Variants in PPP1R36 observed in about 807,000 individuals in gnomAD.
The protein encoded by PPP1R36 is chromosome 14 open reading frame 50.
A neutral mutation model predicts 53.4 loss-of-function variants in PPP1R36; 47 were observed. That is an observed-to-expected ratio of 0.88 (90% confidence interval 0.70 to 1.12). The LOEUF is 1.12. Among genes scored for constraint, PPP1R36 ranks in the 50% most tolerant of loss-of-function variants. PPP1R36 has a pLI of 0.00. For synonymous variants in PPP1R36, 153 were observed against 170.5 expected, an observed-to-expected ratio of 0.90 and a Z score of 0.80; for missense variants, 456 against 513.9, an observed-to-expected ratio of 0.89 and a Z score of 1.09.
chr14:64,550,084 C>T lies in PPP1R36; in HGVS notation c.69+18C>T. The T allele has an allele frequency of 6.4e-7, 1 of 1,551,928 alleles. No individual in the cohort carries two copies. Among genetic ancestry groups the T allele is most frequent in the Non-Finnish European group, 8.7e-7 (1 of 1,147,152 alleles). ...TGATGGATGTAAGTGCAGCCTTGGTCGCCCCCATACCCGGGCTGGGCGCAA... is the reference window on the plus strand; with the variant it reads ...TGATGGATGTAAGTGCAGCCTTGGTTGCCCCCATACCCGGGCTGGGCGCAA... On this transcript the variant is annotated intron_variant, in intron 1 of 11. Transcript: ENST00000298705.
At chr14:64,576,251 T>C (rs2080341201) in intron 8 of PPP1R36, among the ~76,000 whole-genome samples, 1 of 151,926 alleles carries the variant, frequency 6.6e-6, no homozygotes, top group Non-Finnish European at 1.5e-5. Flanking sequence ...TGATTAATTT[T>C]TGTATTTTTA....
chr14:64,552,263 C>A (rs1171398875), intron 2 of PPP1R36, among the ~76,000 whole-genome samples: 1 of 152,020 alleles, frequency 6.6e-6, no homozygotes, highest in East Asian at 1.9e-4. Context: ...CTGAGGCGGG[C>A]AGATCACCTG....
rs553899206 is a variant in PPP1R36, at chr14:64,556,848, T to C, written c.182+3987T>C. Among the ~76,000 whole-genome samples the C allele has an allele frequency of 5.9e-5, 9 of 151,408 alleles. No individual in the cohort carries two copies. The East Asian group carries it at 1.8e-3, about 30-fold the overall frequency. On this transcript the variant is annotated intron_variant, in intron 3 of 11. Transcript: ENST00000298705. ...TAGAATTTTAGAGACAGGGTCTCAC[T>C]TTGTCACCTAGGCTGGAGTGCCGTG...
chr14:64,582,550 G>T (rs1185231074), intron 8 of PPP1R36, among the ~76,000 whole-genome samples: 1 of 152,210 alleles, frequency 6.6e-6, no homozygotes, highest in Non-Finnish European at 1.5e-5. Flanking sequence ...ACACGCGGCT[G>T]TTGAGCACTT....
intron 2 of PPP1R36, among the ~76,000 whole-genome samples, chr14:64,552,374 A>C (rs988922460): frequency 6.6e-6 from 1 of 152,186 alleles, no homozygotes; most frequent in Admixed American, 6.6e-5. Flanking sequence ...CTGTAATCCC[A>C]GCTACTTGGG....
Position 64,568,330 on chromosome 14 carries a change from G to T in PPP1R36, c.435-19G>T, listed in dbSNP as rs1453492993. 5 of 1,159,354 alleles carry T rather than the reference G, an allele frequency of 4.3e-6. No individual in the cohort carries two copies. The Admixed American group carries it at 9.8e-5, about 23-fold the overall frequency. 71.8% of individuals were successfully genotyped at this position (1,159,354 alleles called of 1,614,324 possible). A position where few individuals can be genotyped will look rare whatever the true frequency, so the allele number is the denominator to read the frequency against. On this transcript the variant is annotated intron_variant, in intron 6 of 11. Transcript: ENST00000298705. ...GGTTAGCATTGACTCTTTTTTTGTT[G>T]TTTCAAATCTCCCCATAGGAATAAG...
intron 6 of PPP1R36, among the ~76,000 whole-genome samples, chr14:64,566,083 C>T (rs1299645046): frequency 1.3e-5 from 2 of 152,156 alleles, no homozygotes; most frequent in African/African-American, 2.4e-5. Flanking sequence ...GACTGGCCAA[C>T]GTGGTGAAAC....
chr14:64,588,420 T>C (rs1308225788), intron 11 of PPP1R36, 125 bp downstream of exon 11: 1 of 798,152 alleles, frequency 1.3e-6, no homozygotes, highest in Non-Finnish European at 1.9e-6. Context: ...GCCCCCATTT[T>C]CTTACTTCTG....
Position 64,588,093 on chromosome 14 carries a change from C to T in PPP1R36, c.891-11C>T, listed in dbSNP as rs758993572. On this transcript the variant is annotated splice_polypyrimidine_tract_variant and intron_variant, in intron 10 of 11. Transcript: ENST00000298705. The stretch of plus-strand genomic sequence containing the variant: ...GTGATATGACCTAAATGTCACCTTC[C>T]TCCCCGACAGGAGAATGATGGCAAA... 6.3e-7 allele frequency: 1 copy of T among 1,587,916 alleles called. No homozygotes were observed. The highest frequency in any genetic ancestry group is 1.1e-5 in the South Asian group (1 of 87,566).
intron 3 of PPP1R36, among the ~76,000 whole-genome samples, chr14:64,554,156 T>TG (rs1186464827): frequency 7.0e-6 from 1 of 143,542 alleles, no homozygotes; most frequent in Non-Finnish European, 1.5e-5. Flanking sequence ...TTTTTTTTTT[T>TG]TTTTTTTTTT....
intron 1 of PPP1R36, 122 bp from the exon 2 acceptor site, chr14:64,550,799 T>A (rs950991524): frequency 7.1e-6 from 5 of 699,492 alleles, no homozygotes; most frequent in Admixed American, 3.0e-5. Flanking sequence ...TTGTTTTTTG[T>A]TTCCTTCTTA....
chr14:64,571,812 G>A (rs527449095), intron 7 of PPP1R36, among the ~76,000 whole-genome samples: 2 of 152,308 alleles, frequency 1.3e-5, no homozygotes, highest in Admixed American at 1.3e-4. Context: ...CATGGTGGAA[G>A]GCGAATGAGG....
chr14:64,553,007 T>C (rs2080108965), intron 3 of PPP1R36, 146 bp downstream of exon 3: 3 of 605,466 alleles, frequency 5.0e-6, no homozygotes. Flanking sequence ...GTCTCACTCC[T>C]GTTGCCCAGG....
At chr14:64,577,709 C>A (rs1283612373) in intron 8 of PPP1R36, among the ~76,000 whole-genome samples, 2 of 145,718 alleles carry the variant, frequency 1.4e-5, no homozygotes, top group Non-Finnish European at 1.5e-5. Context: ...AGCTTTGCTG[C>A]CATGATTACT....
intron 2 of PPP1R36, among the ~76,000 whole-genome samples, chr14:64,552,207 G>A (rs2080099266): frequency 6.6e-6 from 1 of 152,152 alleles, no homozygotes; most frequent in Admixed American, 6.6e-5. Flanking sequence ...CAAAACTGGT[G>A]GCTGGGTGTG....
intron 8 of PPP1R36, among the ~76,000 whole-genome samples, chr14:64,582,573 G>A (rs182182471): frequency 2.0e-5 from 3 of 152,278 alleles, no homozygotes; most frequent in Non-Finnish European, 4.4e-5. Context: ...AAATGTAGTA[G>A]TCCAAATTGA....
At chr14:64,559,578 A>G (rs1203880201) in intron 3 of PPP1R36, 1 of 152,314 alleles carries the variant, frequency 6.6e-6, no homozygotes, top group Non-Finnish European at 1.5e-5. Flanking sequence ...TTTGGGGAGG[A>G]AGAGAGTGCA....
At chr14:64,569,455 T>C (rs184534837) in intron 7 of PPP1R36, among the ~76,000 whole-genome samples, 2 of 152,314 alleles carry the variant, frequency 1.3e-5, no homozygotes, top group East Asian at 1.9e-4. Context: ...AATAAATAAT[T>C]TAAAAACTCT....
At position 64,552,860 on chromosome 14, in the gene PPP1R36, C is replaced by T; in HGVS notation, c.181C>T (p.His61Tyr). The change falls in exon 3 of 12, where the codon CAT (histidine) becomes TAT (tyrosine). Residue 61 changes from histidine to tyrosine, a missense_variant and splice_region_variant. Coordinates refer to ENST00000298705, the MANE Select transcript of PPP1R36 (RefSeq NM_172365.3). ...CCAGTGGCTCCTGAAACATCACCCT[C>T]AGTGAGTGTGAGACAGACAGTGAGA... Reference protein sequence around the residue: ...SVQWLLKHHPHFTPAAEVKEK... With the variant: ...SVQWLLKHHPYFTPAAEVKEK... 1 of 1,613,222 alleles carries T rather than the reference C, an allele frequency of 6.2e-7. No individual in the cohort carries two copies. The highest frequency in any genetic ancestry group is 8.5e-7 in the Non-Finnish European group (1 of 1,179,216).
Sources: gnomAD v4.1 joint callset for allele counts (sites outside exome capture counted in the v4.1 genomes callset) on GRCh38, gnomAD v4.1.1 for gene constraint, MANE v1.5 for transcripts, NCBI Gene and HGNC (gene_info 2026-07-23, HGNC 2026-07-21) for gene names.